BACH2: variants seen among roughly 807,000 people sequenced by gnomAD.
BACH2 encodes BACH transcriptional regulator 2.
BACH2 carries 5 observed loss-of-function variants against 61.8 expected under a neutral mutation model. The observed-to-expected ratio is 0.08, with a 90% CI of 0.04 to 0.17. BACH2 has a LOEUF of 0.17. Ranked by LOEUF, BACH2 falls within the 10% of genes least tolerant of loss-of-function variation. The pLI is 1.00. For synonymous variants in BACH2, 446 were observed against 440.1 expected (o/e 1.01, Z -0.17); for missense variants, 824 against 1,091.1 (o/e 0.76, Z 3.45).
intron 3 of BACH2, among the ~76,000 whole-genome samples, chr6:90,216,114 C>T (rs1287113975): frequency 1.3e-5 from 2 of 152,214 alleles, no homozygotes; most frequent in East Asian, 3.8e-4. Flanking sequence ...TCTCCGACAG[C>T]AAGCAGCCAA....
chr6:90,222,511 A>G (rs1016116026), intron 3 of BACH2, among the ~76,000 whole-genome samples: 1 of 152,122 alleles, frequency 6.6e-6, no homozygotes, highest in African/African-American at 2.4e-5. Context: ...GAACCATTAC[A>G]TTTTTTTCAT....
At chr6:90,037,033 C>A (rs558154222) in intron 5 of BACH2, among the ~76,000 whole-genome samples, 2 of 152,236 alleles carry the variant, frequency 1.3e-5, no homozygotes, top group East Asian at 3.9e-4. Flanking sequence ...ACACTTAAAG[C>A]CAGTAACAAC....
intron 5 of BACH2, among the ~76,000 whole-genome samples, chr6:90,066,048 T>A (rs1459654825): frequency 6.6e-6 from 1 of 152,230 alleles, no homozygotes; most frequent in Non-Finnish European, 1.5e-5. Context: ...TTATGCTGCC[T>A]ACTTTTATGT....
intron 3 of BACH2, among the ~76,000 whole-genome samples, chr6:90,210,344 CACACACGCACAT>C (rs1206540214): frequency 2.0e-5 from 3 of 151,262 alleles, no homozygotes; most frequent in South Asian, 2.1e-4. Context: ...CACACACACA[CACACACGCACAT>C]GCACACACCA....
chr6:89,991,085 T>C (rs1776521797), intron 6 of BACH2, among the ~76,000 whole-genome samples: 1 of 152,226 alleles, frequency 6.6e-6, no homozygotes, highest in African/African-American at 2.4e-5. Context: ...TAAACTGTCT[T>C]GTTTTCTTAT....
At chr6:90,227,347 G>C (rs1769950198) in intron 3 of BACH2, among the ~76,000 whole-genome samples, 1 of 152,212 alleles carries the variant, frequency 6.6e-6, no homozygotes, top group African/African-American at 2.4e-5. Flanking sequence ...ATGTGCACAA[G>C]CCTGCACTCC....
intron 1 of BACH2, among the ~76,000 whole-genome samples, chr6:90,279,192 G>T (rs970962899): frequency 3.3e-5 from 5 of 151,806 alleles, no homozygotes; most frequent in Non-Finnish European, 7.4e-5. Context: ...AACGCTATAG[G>T]AATATGCAGT....
chr6:90,116,239 A>G (rs908889266), intron 4 of BACH2, among the ~76,000 whole-genome samples: 7 of 152,356 alleles, frequency 4.6e-5, no homozygotes, highest in African/African-American at 9.6e-5. Context: ...CATGGAATCA[A>G]CCTAAATGCC....
intron 1 of BACH2, among the ~76,000 whole-genome samples, chr6:90,279,269 T>C (rs989232110): frequency 6.6e-6 from 1 of 151,952 alleles, no homozygotes; most frequent in African/African-American, 2.4e-5. Context: ...ATGCCTGTAA[T>C]CCCAGCACTT....
chr6:89,969,957 G>A (rs1775269745), intron 6 of BACH2, among the ~76,000 whole-genome samples: 1 of 152,172 alleles, frequency 6.6e-6, no homozygotes, highest in African/African-American at 2.4e-5. Context: ...GATGGTGGGG[G>A]TTGGGGGATG....
At chr6:90,236,479 T>C (rs987991674) in intron 3 of BACH2, among the ~76,000 whole-genome samples, 1 of 152,216 alleles carries the variant, frequency 6.6e-6, no homozygotes, top group Non-Finnish European at 1.5e-5. Context: ...TGAGACATTC[T>C]GGGATTTAGA....
intron 6 of BACH2, among the ~76,000 whole-genome samples, chr6:89,955,599 G>A (rs182908594): frequency 6.6e-6 from 1 of 152,214 alleles, no homozygotes; most frequent in Admixed American, 6.5e-5. Context: ...AGTGGTAATC[G>A]CTCCAGATAC....
At chr6:90,057,991 C>T (rs549974024) in intron 5 of BACH2, among the ~76,000 whole-genome samples, 4 of 152,296 alleles carry the variant, frequency 2.6e-5, no homozygotes, top group Admixed American at 6.5e-5. Flanking sequence ...TAAGAGCTAT[C>T]TATGACAAAC....
At chr6:89,987,023 C>T (rs942230862) in intron 6 of BACH2, among the ~76,000 whole-genome samples, 1 of 152,152 alleles carries the variant, frequency 6.6e-6, no homozygotes, top group African/African-American at 2.4e-5. Context: ...ACCCAGCCTT[C>T]CGTCGCCTAC....
chr6:90,202,625 G>T (rs1253586633), intron 4 of BACH2, among the ~76,000 whole-genome samples: 1 of 152,206 alleles, frequency 6.6e-6, no homozygotes, highest in African/African-American at 2.4e-5. Flanking sequence ...GATGGGGGAA[G>T]AGAGAGGGTC....
intron 5 of BACH2, among the ~76,000 whole-genome samples, chr6:90,080,541 A>G (rs1310023045): frequency 6.6e-6 from 1 of 152,182 alleles, no homozygotes; most frequent in East Asian, 1.9e-4. Flanking sequence ...GAAGATAGAG[A>G]TGAGAGTCTA....
intron 5 of BACH2, among the ~76,000 whole-genome samples, chr6:90,046,571 T>C (rs1779787976): frequency 6.6e-6 from 1 of 152,250 alleles, no homozygotes; most frequent in African/African-American, 2.4e-5. Context: ...ACAAAAGACA[T>C]AGTAGCTATT....
intron 3 of BACH2, among the ~76,000 whole-genome samples, chr6:90,216,377 T>C (rs562536308): frequency 1.3e-5 from 2 of 152,288 alleles, no homozygotes; most frequent in East Asian, 1.9e-4. Flanking sequence ...GGGCTGGATA[T>C]ACAGGCAGCG....
intron 4 of BACH2, among the ~76,000 whole-genome samples, chr6:90,128,582 C>T (rs1160640215): frequency 6.6e-6 from 1 of 151,988 alleles, no homozygotes; most frequent in Non-Finnish European, 1.5e-5. Context: ...TCTGTCTCAA[C>T]AACAACAACA....
Sources: gnomAD v4.1 joint callset for allele counts (sites outside exome capture counted in the v4.1 genomes callset) on GRCh38, gnomAD v4.1.1 for gene constraint, MANE v1.5 for transcripts, NCBI Gene and HGNC (gene_info 2026-07-23, HGNC 2026-07-21) for gene names.